The following RAD51B variants were observed in gnomAD, a reference collection of about 807,000 sequenced individuals.
RAD51B encodes DNA repair protein RAD51 homolog 2.
In RAD51B, 38 loss-of-function variants were observed where a neutral mutation model predicts 42.2. That is an observed-to-expected ratio of 0.90 (90% CI 0.70 to 1.18). The LOEUF is 1.18. Ranked by LOEUF, RAD51B falls within the 50% of genes most tolerant of loss-of-function variation. The probability of loss-of-function intolerance (pLI) is 0.00; values close to 1 mark genes in which losing one functional copy is unlikely to be tolerated. For missense variants in RAD51B, 373 were observed against 400.7 expected (o/e 0.93, Z 0.59); for synonymous variants, 154 against 145.2 (o/e 1.06, Z -0.43).
intron 7 of RAD51B, among the ~76,000 whole-genome samples, chr14:68,215,399 T>TA (rs1183853036): frequency 6.6e-6 from 1 of 152,180 alleles, no homozygotes; most frequent in Non-Finnish European, 1.5e-5. Context: ...ATTTCAGAAA[T>TA]AAGGAGAATG....
At chr14:68,190,379 G>A (rs2079240541) in intron 7 of RAD51B, among the ~76,000 whole-genome samples, 1 of 151,970 alleles carries the variant, frequency 6.6e-6, no homozygotes, top group South Asian at 2.1e-4. Context: ...AAGTATATAT[G>A]GAAACAGATT....
intron 7 of RAD51B, among the ~76,000 whole-genome samples, chr14:67,937,086 A>G (rs909513360): frequency 6.6e-5 from 10 of 152,208 alleles, no homozygotes; most frequent in Non-Finnish European, 1.5e-4. Context: ...ATGTAAATGT[A>G]ATATTTATAG....
chr14:68,600,009 C>G (rs529483078), downstream of RAD51B, among the ~76,000 whole-genome samples: 1 of 152,244 alleles, frequency 6.6e-6, no homozygotes, highest in East Asian at 1.9e-4. Flanking sequence ...TGACCAAACC[C>G]CCATCGAAAC....
intron 5 of RAD51B, among the ~76,000 whole-genome samples, chr14:67,868,314 A>G (rs1473031538): frequency 6.6e-6 from 1 of 152,144 alleles, no homozygotes; most frequent in African/African-American, 2.4e-5. Flanking sequence ...GAGTCAAAGA[A>G]AGGGGTGACA....
chr14:68,109,230 C>A (rs1253857684), intron 7 of RAD51B, among the ~76,000 whole-genome samples: 1 of 151,770 alleles, frequency 6.6e-6, no homozygotes, highest in Admixed American at 6.6e-5. Flanking sequence ...CTGGCCAGAG[C>A]GTAAGAGTCT....
intron 8 of RAD51B, among the ~76,000 whole-genome samples, chr14:68,351,827 G>A (rs527317975): frequency 3.0e-4 from 46 of 152,292 alleles, no homozygotes; most frequent in African/African-American, 1.1e-3. Context: ...ATGGGGTAAG[G>A]TAATGAGATT....
chr14:68,567,108 G>T (rs924914933), intron 10 of RAD51B, among the ~76,000 whole-genome samples: 4 of 152,136 alleles, frequency 2.6e-5, no homozygotes, highest in African/African-American at 9.7e-5. Context: ...GACCAGCCTG[G>T]CTGAGATGAT....
chr14:68,399,532 C>T (rs2084032286), intron 8 of RAD51B, among the ~76,000 whole-genome samples: 1 of 152,206 alleles, frequency 6.6e-6, no homozygotes, highest in African/African-American at 2.4e-5. Flanking sequence ...GCCGGGATTA[C>T]AGGCGTGAGC....
At chr14:67,882,548 G>A (rs551244133) in intron 5 of RAD51B, among the ~76,000 whole-genome samples, 6 of 152,188 alleles carry the variant, frequency 3.9e-5, no homozygotes, top group Middle Eastern at 3.4e-3. Flanking sequence ...ATTCATTTGC[G>A]TAATGACATG....
chr14:68,391,136 G>GTTTTTCTTTCTTTCTT (rs1555402751), intron 8 of RAD51B, among the ~76,000 whole-genome samples: 1 of 141,558 alleles, frequency 7.1e-6, no homozygotes, highest in African/African-American at 2.7e-5. Flanking sequence ...TATGAGACTT[G>GTTTTTCTTTCTTTCTT]TCTTTCTTTC....
intron 7 of RAD51B, among the ~76,000 whole-genome samples, chr14:68,224,885 G>T (rs888123680): frequency 1.3e-5 from 2 of 152,034 alleles, no homozygotes; most frequent in South Asian, 2.1e-4. Flanking sequence ...TAGAGACGGG[G>T]TTTCACCATC....
intron 11 of RAD51B, among the ~76,000 whole-genome samples, chr14:68,673,374 TAC>T (rs1279403390): frequency 2.4e-4 from 35 of 146,732 alleles, no homozygotes; most frequent in African/African-American, 8.7e-4. Flanking sequence ...AAACACACTG[TAC>T]ACACAAATAT....
intron 7 of RAD51B, among the ~76,000 whole-genome samples, chr14:67,898,349 T>C (rs61987500): frequency 0.1 from 15,259 of 152,228 alleles, 1,096 homozygotes; most frequent in Non-Finnish European, 0.14. Flanking sequence ...GAATACATGA[T>C]CCCACTTTTA....
At chr14:67,968,030 T>A (rs1251339452) in intron 7 of RAD51B, among the ~76,000 whole-genome samples, 1 of 152,246 alleles carries the variant, frequency 6.6e-6, no homozygotes, top group Admixed American at 6.5e-5. Flanking sequence ...CCTCAATTCT[T>A]GACTTCTGTG....
chr14:68,284,898 G>A (rs1216360896), intron 7 of RAD51B, among the ~76,000 whole-genome samples: 1 of 152,188 alleles, frequency 6.6e-6, no homozygotes, highest in Non-Finnish European at 1.5e-5. Context: ...AAAGCTGGAT[G>A]TGGACAGGAA....
chr14:67,987,249 C>G (rs1023168406), intron 7 of RAD51B, among the ~76,000 whole-genome samples: 3 of 152,116 alleles, frequency 2.0e-5, no homozygotes, highest in Non-Finnish European at 4.4e-5. Context: ...AGTATCGTTA[C>G]CCTATTTTGC....
At chr14:68,208,821 AC>A (rs1423761329) in intron 7 of RAD51B, among the ~76,000 whole-genome samples, 1 of 152,154 alleles carries the variant, frequency 6.6e-6, no homozygotes, top group African/African-American at 2.4e-5. Context: ...TATATATTAT[AC>A]CCTAGTGGAT....
intron 7 of RAD51B, among the ~76,000 whole-genome samples, chr14:68,191,758 A>G (rs1281506247): frequency 6.6e-6 from 1 of 152,210 alleles, no homozygotes; most frequent in Non-Finnish European, 1.5e-5. Context: ...TGCCCTCAGT[A>G]GAGGGCAGAG....
chr14:68,624,681 C>G (rs1172383833), intron 10 of RAD51B, among the ~76,000 whole-genome samples: 4 of 152,142 alleles, frequency 2.6e-5, no homozygotes, highest in Admixed American at 6.5e-5. Context: ...GCTGTTGAAA[C>G]TCAGCGCATG....
Sources: gnomAD v4.1 joint callset for allele counts (sites outside exome capture counted in the v4.1 genomes callset) on GRCh38, gnomAD v4.1.1 for gene constraint, MANE v1.5 for transcripts, NCBI Gene and HGNC (gene_info 2026-07-23, HGNC 2026-07-21) for gene names.